RABEP1: variants seen among roughly 807,000 people sequenced by gnomAD.
RABEP1 encodes the protein rabaptin, RAB GTPase binding effector protein 1, also known as rab GTPase-binding effector protein 1.
Under a neutral mutation model 123.4 loss-of-function variants are expected in RABEP1, and 51 were observed. The observed-to-expected ratio is 0.41, with a 90% CI of 0.33 to 0.52. RABEP1 has a LOEUF of 0.52. Among genes scored for constraint, RABEP1 ranks in the 20% least tolerant of loss-of-function variants. The pLI, the probability that RABEP1 is intolerant of heterozygous loss-of-function variation, is 0.16. For missense variants in RABEP1, 888 were observed against 996.3 expected (o/e 0.89, Z 1.46); for synonymous variants, 347 against 355.2 (o/e 0.98, Z 0.26).
rs993255781 is a variant in RABEP1, at chr17:5,333,264, G to A, written c.367+1112G>A. 4.6e-5 allele frequency among the ~76,000 whole-genome samples: 7 copies of A among 152,286 alleles called. No homozygotes were observed. The East Asian group carries it at 1.2e-3, about 25-fold the overall frequency. On this transcript the variant is annotated intron_variant, in intron 3 of 17. Coordinates refer to ENST00000537505, the MANE Select transcript of RABEP1 (RefSeq NM_004703.6). The stretch of plus-strand genomic sequence containing the variant: ...TGCAACCTCCGCCTTCCAGGTTCAA[G>A]CGATTCTCCTGCCTCAGTCTCTCAA...
intron 1 of RABEP1, among the ~76,000 whole-genome samples, chr17:5,294,040 A>G (rs889754992): frequency 6.6e-6 from 1 of 152,230 alleles, no homozygotes; most frequent in Admixed American, 6.5e-5. Context: ...AAAAAAGTGT[A>G]AAGTGAACAG....
In RABEP1 at chr17:5,379,039, C is replaced by T. The variant is rs573093160; in HGVS notation, c.2271+807C>T. 2.0e-5 allele frequency among the ~76,000 whole-genome samples: 3 copies of T among 152,310 alleles called. No individual in the cohort carries two copies. The East Asian group carries it at 5.8e-4, about 29-fold the overall frequency. Reference sequence around the variant, plus strand: ...CCACGAGACTTGGTGACACTGCATGCTCAAGCTGCCAGATGGGCCTCCAGT... The same window carrying T: ...CCACGAGACTTGGTGACACTGCATGTTCAAGCTGCCAGATGGGCCTCCAGT... On this transcript the variant is annotated intron_variant, in intron 15 of 17. Coordinates refer to ENST00000537505, the MANE Select transcript of RABEP1 (RefSeq NM_004703.6).
intron 9 of RABEP1, 128 bp from the exon 10 acceptor site, chr17:5,362,784 G>T (rs1006541626): frequency 7.9e-6 from 5 of 631,126 alleles, no homozygotes; most frequent in South Asian, 2.1e-5. Context: ...ACTTTTTGCC[G>T]TAAGGCCCTG....
chr17:5,315,974 A>G (rs1321978120), intron 2 of RABEP1, among the ~76,000 whole-genome samples: 1 of 152,250 alleles, frequency 6.6e-6, no homozygotes, highest in Non-Finnish European at 1.5e-5. Flanking sequence ...TTACAATGAC[A>G]GGAGATACTT....
chr17:5,290,530 T>A (rs2075023098), intron 1 of RABEP1, among the ~76,000 whole-genome samples: 1 of 152,170 alleles, frequency 6.6e-6, no homozygotes, highest in Admixed American at 6.6e-5. Flanking sequence ...AGAGCATATA[T>A]CATTAACATC....
At chr17:5,333,215 T>C (rs1176352663) in intron 3 of RABEP1, among the ~76,000 whole-genome samples, 1 of 152,100 alleles carries the variant, frequency 6.6e-6, no homozygotes, top group Non-Finnish European at 1.5e-5. Flanking sequence ...CAGGCTGGAG[T>C]GCAGCGGCAC....
intron 1 of RABEP1, 81 bp downstream of exon 1, chr17:5,282,601 C>T (rs967660538): frequency 3.5e-5 from 35 of 1,000,800 alleles, no homozygotes; most frequent in East Asian, 4.8e-5. Context: ...GGCGGGCAGG[C>T]GGCGGCAAGG....
Position 5,378,244 on chromosome 17 carries a change from G to T in RABEP1, c.2271+12G>T. 2 of 1,569,580 alleles carry T rather than the reference G, an allele frequency of 1.3e-6. No individual in the cohort carries two copies. The highest frequency in any genetic ancestry group is 1.8e-6 in the Non-Finnish European group (2 of 1,139,490). The stretch of plus-strand genomic sequence containing the variant: ...TGGAAAAAGGACAGGTAAGTCGTGA[G>T]TTTCAAATTAATTCTATCAGCAACC... On this transcript the variant is annotated intron_variant, in intron 15 of 17. Transcript: ENST00000537505.
chr17:5,333,232 G>A (rs751686659), intron 3 of RABEP1, among the ~76,000 whole-genome samples: 1 of 151,876 alleles, frequency 6.6e-6, no homozygotes, highest in Non-Finnish European at 1.5e-5. Flanking sequence ...GCACCATCTC[G>A]GTTCAGTGCA....
At chr17:5,303,063 C>A (rs1034189947) in intron 1 of RABEP1, among the ~76,000 whole-genome samples, 6 of 152,028 alleles carry the variant, frequency 3.9e-5, no homozygotes, top group Admixed American at 2.6e-4. Flanking sequence ...TTTTACTACT[C>A]TGAATGCCAT....
chr17:5,361,035 G>A, intron 8 of RABEP1, 173 bp from the exon 9 acceptor site: 1 of 634,756 alleles, frequency 1.6e-6, no homozygotes, highest in Non-Finnish European at 2.7e-6. Context: ...CTGAGGGCCT[G>A]GTTTTGTGTC....
intron 8 of RABEP1, chr17:5,356,562 A>G (rs1172292720): frequency 1.2e-5 from 2 of 173,802 alleles, no homozygotes; most frequent in African/African-American, 4.7e-5. Flanking sequence ...AGAGGTAACA[A>G]CTAATATTTT....
chr17:5,330,981 G>A (rs1022470952), intron 2 of RABEP1, among the ~76,000 whole-genome samples: 1 of 148,474 alleles, frequency 6.7e-6, no homozygotes, highest in Admixed American at 6.7e-5. Flanking sequence ...CTATGTTTGC[G>A]TCACTGCACT....
chr17:5,283,999 C>T (rs1380638532), intron 1 of RABEP1: 2 of 152,228 alleles, frequency 1.3e-5, no homozygotes. Flanking sequence ...AAACTTTGTT[C>T]TTCCACAATC....
chr17:5,295,559 A>G (rs574618040), intron 1 of RABEP1, among the ~76,000 whole-genome samples: 1 of 152,158 alleles, frequency 6.6e-6, no homozygotes, highest in South Asian at 2.1e-4. Flanking sequence ...ATTTAGCCAA[A>G]TACTTCCCTC....
chr17:5,364,102 T>C (rs1909809267), intron 10 of RABEP1, among the ~76,000 whole-genome samples: 1 of 152,242 alleles, frequency 6.6e-6, no homozygotes. Flanking sequence ...GCTTTACGCA[T>C]AGATGTTTCA....
At chr17:5,317,524 A>C (rs1431546232) in intron 2 of RABEP1, among the ~76,000 whole-genome samples, 1 of 152,180 alleles carries the variant, frequency 6.6e-6, no homozygotes, top group African/African-American at 2.4e-5. Context: ...AATTATGTAC[A>C]CTCTGACCAC....
At chr17:5,340,277 C>T (rs1282134028) in intron 5 of RABEP1, among the ~76,000 whole-genome samples, 4 of 152,156 alleles carry the variant, frequency 2.6e-5, no homozygotes, top group Non-Finnish European at 4.4e-5. Context: ...GGGCAAATTA[C>T]TTAATCATAC....
At chr17:5,282,658 G>C in intron 1 of RABEP1, 138 bp downstream of exon 1, 1 of 461,852 alleles carries the variant, frequency 2.2e-6, no homozygotes, top group Non-Finnish European at 2.8e-6. Context: ...AGGCGGGGGC[G>C]CGCGGGCTGC....
Sources: allele counts gnomAD v4.1 joint callset (sites outside exome capture counted in the v4.1 genomes callset), GRCh38; gene constraint gnomAD v4.1.1; transcripts MANE v1.5; gene names NCBI Gene and HGNC (gene_info 2026-07-23, HGNC 2026-07-21).